SEMA3D: variants seen among roughly 807,000 people sequenced by gnomAD.
SEMA3D encodes the protein semaphorin-3D.
In SEMA3D, 84 loss-of-function variants were observed where a neutral mutation model predicts 100.1. That is an observed-to-expected ratio of 0.84 (90% CI 0.70 to 1.01). The LOEUF (loss-of-function observed/expected upper bound fraction) is 1.01, where lower values mean the gene tolerates loss of function less well. Among genes scored for constraint, SEMA3D ranks in the 50% least tolerant of loss-of-function variants. SEMA3D has a pLI of 0.00. For missense variants in SEMA3D, 875 were observed against 934.1 expected (o/e 0.94, Z 0.82); for synonymous variants, 312 against 320.7 (o/e 0.97, Z 0.29).
At position 85,097,839 on chromosome 7, in the gene SEMA3D, A is replaced by T. The variant is rs199644382; in HGVS notation, c.278T>A (p.Leu93His). ...ATTTTTGTTTAAGTCAACCAGACTG[A>T]GTAGAAAGATGTGGTCTTTGGCTCC... is the stretch of plus-strand genomic sequence containing the variant. ...LLGAKDHIFL[L>H]SLVDLNKNFK... The change falls in exon 4 of 19, where the codon CTC becomes CAC. Residue 93 changes from leucine (L) to histidine (H), a missense_variant. Transcript: ENST00000284136. 198 of 1,607,364 alleles carry T rather than the reference A, an allele frequency of 1.2e-4. No homozygotes were observed. The East Asian group carries it at 3.6e-3, about 30-fold the overall frequency.
intron 3 of SEMA3D, among the ~76,000 whole-genome samples, chr7:85,099,617 A>T (rs1788681893): frequency 6.6e-6 from 1 of 151,894 alleles, no homozygotes; most frequent in South Asian, 2.1e-4. Flanking sequence ...TGCCTTCCAA[A>T]GTGTCTATAC....
chr7:85,242,654 T>C, the SEMA3D span, among the ~76,000 whole-genome samples: 1 of 152,164 alleles, frequency 6.6e-6, no homozygotes, highest in African/African-American at 2.4e-5. Flanking sequence ...AACAATAATA[T>C]TGGATTTATC....
the SEMA3D span, among the ~76,000 whole-genome samples, chr7:85,232,104 A>G: frequency 6.6e-6 from 1 of 152,164 alleles, no homozygotes; most frequent in East Asian, 1.9e-4. Flanking sequence ...ATCTGGAGGC[A>G]GGAGTGTTGG....
At chr7:85,135,048 G>C (rs1160258739) in intron 2 of SEMA3D, among the ~76,000 whole-genome samples, 1 of 151,256 alleles carries the variant, frequency 6.6e-6, no homozygotes, top group African/African-American at 2.4e-5. Flanking sequence ...GAAAACCCCT[G>C]TGTGTAGAGA....
rs1285944618 is a variant in SEMA3D at position 84,996,076 on chromosome 7, T to TA, written c.*3363dup. ...AAAATGTGACATTCTAAAGGGAGGCTATTTCAGTTTTGATTTCCATTTGTA... is the reference window on the plus strand; with the variant it reads ...AAAATGTGACATTCTAAAGGGAGGCTAATTTCAGTTTTGATTTCCATTTGTA... On this transcript the variant is annotated 3_prime_UTR_variant, in exon 19 of 19. Coordinates refer to ENST00000284136, the MANE Select transcript of SEMA3D (RefSeq NM_001384900.1). 6.6e-6 allele frequency: 1 copy of TA among 151,988 alleles called. No individual in the cohort carries two copies. The highest frequency in any genetic ancestry group is 1.9e-4 in the East Asian group (1 of 5,186). The allele number at this position is 151,988 out of a possible 1,614,324, so 9.4% of individuals were successfully genotyped here. A position where few individuals can be genotyped will look rare whatever the true frequency, so the allele number is the denominator to read the frequency against.
At chr7:85,241,209 C>A in the SEMA3D span, among the ~76,000 whole-genome samples, 3 of 151,706 alleles carry the variant, frequency 2.0e-5, no homozygotes, top group Non-Finnish European at 4.4e-5. Context: ...CACATCTATA[C>A]GGCTAGTGGG....
At chr7:85,220,660 T>C in the SEMA3D span, among the ~76,000 whole-genome samples, 1 of 152,098 alleles carries the variant, frequency 6.6e-6, no homozygotes, top group Non-Finnish European at 1.5e-5. Context: ...AGATAATATA[T>C]ATGTTATGGG....
chr7:85,093,344 G>C (rs930797476), intron 4 of SEMA3D, among the ~76,000 whole-genome samples: 1 of 151,810 alleles, frequency 6.6e-6, no homozygotes, highest in African/African-American at 2.4e-5. Context: ...AGAGGGTTTT[G>C]CAAAGTTTTT....
intron 12 of SEMA3D, among the ~76,000 whole-genome samples, chr7:85,036,410 T>G (rs549033175): frequency 2.0e-5 from 3 of 152,180 alleles, no homozygotes; most frequent in Non-Finnish European, 4.4e-5. Context: ...AAAGTGCATG[T>G]TATTCTAAGG....
rs1367472394 is a variant in SEMA3D at position 85,157,366 on chromosome 7, G to C, written c.-172-3627C>G. 2.6e-5 allele frequency among the ~76,000 whole-genome samples: 4 copies of C among 152,084 alleles called. No individual in the cohort carries two copies. In the East Asian group the frequency reaches 7.7e-4, roughly 29 times the overall value. ...GTTATATTCAAAATATTAACCAAAA[G>C]ATTTTTGTTTCTCCAAGTGAGACTA... On this transcript the variant is annotated intron_variant, in intron 1 of 18. Coordinates refer to ENST00000284136, the MANE Select transcript of SEMA3D (RefSeq NM_001384900.1).
intron 9 of SEMA3D, among the ~76,000 whole-genome samples, chr7:85,042,620 T>C (rs1790895769): frequency 1.3e-5 from 2 of 152,208 alleles, no homozygotes; most frequent in African/African-American, 4.8e-5. Flanking sequence ...TTTTTAAGTC[T>C]CTGTTTTCTC....
At chr7:85,142,734 GCTCCTCTTGCTTTTACAC>G (rs1244211041) in intron 2 of SEMA3D, 8 of 977,404 alleles carry the variant, frequency 8.2e-6, no homozygotes, top group Non-Finnish European at 8.5e-6. Flanking sequence ...TAATTTTATG[GCTCCTCTTGCTTTTACAC>G]TAGAAAGATT....
rs1294863990 is a variant in SEMA3D, at chr7:85,184,236, T to C, written c.-173+2442A>G. ...AAAGCCCTCCCATTAAGTGGGGTCA[T>C]GACAACTTTCTTGAAGTTTCTGAAA... On this transcript the variant is annotated intron_variant, in intron 1 of 18. Coordinates refer to ENST00000284136, the MANE Select transcript of SEMA3D (RefSeq NM_001384900.1). Among the ~76,000 whole-genome samples the C allele has an allele frequency of 5.9e-5, 9 of 152,302 alleles. No homozygotes were observed. In the East Asian group the frequency reaches 1.5e-3, roughly 26 times the overall value.
intron 2 of SEMA3D, chr7:85,151,850 G>C: frequency 4.8e-6 from 2 of 412,552 alleles, no homozygotes; most frequent in Non-Finnish European, 6.5e-6. Context: ...AAAGTTTTTT[G>C]ACCTTACTTT....
chr7:85,226,015 T>C, the SEMA3D span, among the ~76,000 whole-genome samples: 1 of 152,238 alleles, frequency 6.6e-6, no homozygotes, highest in Non-Finnish European at 1.5e-5. Flanking sequence ...ATGACTTCTC[T>C]TTCACTAATC....
chr7:85,246,227 T>C, the SEMA3D span, among the ~76,000 whole-genome samples: 1 of 152,104 alleles, frequency 6.6e-6, no homozygotes, highest in Non-Finnish European at 1.5e-5. Flanking sequence ...GCTTCTCCAA[T>C]AGTATATCTT....
intron 1 of SEMA3D, among the ~76,000 whole-genome samples, chr7:85,178,347 A>G (rs1791298531): frequency 6.6e-6 from 1 of 152,204 alleles, no homozygotes; most frequent in Non-Finnish European, 1.5e-5. Context: ...AGACAGGAAG[A>G]TGTGAGAAAG....
chr7:85,017,693 T>C (rs1374070797), intron 15 of SEMA3D, among the ~76,000 whole-genome samples: 2 of 151,840 alleles, frequency 1.3e-5, no homozygotes, highest in Admixed American at 6.6e-5. Flanking sequence ...ATTATTACTA[T>C]TATTATAATT....
intron 2 of SEMA3D, among the ~76,000 whole-genome samples, chr7:85,133,515 T>A (rs548249076): frequency 6.6e-6 from 1 of 152,168 alleles, no homozygotes; most frequent in East Asian, 1.9e-4. Context: ...TCTGAATTTT[T>A]AAATACAGAG....
Sources: allele counts gnomAD v4.1 joint callset (sites outside exome capture counted in the v4.1 genomes callset), GRCh38; gene constraint gnomAD v4.1.1; transcripts MANE v1.5; gene names NCBI Gene and HGNC (gene_info 2026-07-23, HGNC 2026-07-21).